The following ANGPT1 variants were observed in gnomAD, a reference collection of about 807,000 sequenced individuals.
ANGPT1 encodes angiopoietin 1.
In ANGPT1, 17 loss-of-function variants were observed where a neutral mutation model predicts 62.2. That is an observed-to-expected ratio of 0.27 (90% CI 0.19 to 0.41). ANGPT1 has a LOEUF of 0.41. ANGPT1 is among the 10% of genes least tolerant of loss of function. The pLI, the probability that ANGPT1 is intolerant of heterozygous loss-of-function variation, is 1.00. For missense variants in ANGPT1, 478 were observed against 594.9 expected (o/e 0.80, Z 2.04); for synonymous variants, 199 against 198.9 (o/e 1.00, Z 0.00).
chr8:107,449,534 C>G (rs1811710217), intron 1 of ANGPT1, among the ~76,000 whole-genome samples: 1 of 151,758 alleles, frequency 6.6e-6, no homozygotes, highest in Admixed American at 6.6e-5. Context: ...CAGGTAATTA[C>G]CAGTGCTTGA....
chr8:107,280,018 C>T (rs1358555595), intron 7 of ANGPT1, among the ~76,000 whole-genome samples: 1 of 151,974 alleles, frequency 6.6e-6, no homozygotes, highest in Admixed American at 6.6e-5. Flanking sequence ...AAGGGAGATT[C>T]AGGGCTCACA....
At chr8:107,279,379 T>A (rs1308295766) in intron 7 of ANGPT1, among the ~76,000 whole-genome samples, 1 of 152,036 alleles carries the variant, frequency 6.6e-6, no homozygotes, top group Admixed American at 6.5e-5. Context: ...GGCATTCAAA[T>A]TATTAAAGAG....
chr8:107,431,431 A>C (rs1470864564), intron 1 of ANGPT1, among the ~76,000 whole-genome samples: 1 of 152,192 alleles, frequency 6.6e-6, no homozygotes, highest in Non-Finnish European at 1.5e-5. Context: ...TCCAGAACAC[A>C]ACACACTTAA....
chr8:107,265,807 G>A (rs1426766041), intron 7 of ANGPT1, among the ~76,000 whole-genome samples: 3 of 152,088 alleles, frequency 2.0e-5, no homozygotes, highest in Admixed American at 2.0e-4. Context: ...GAATAATAAA[G>A]ATCAATTAAT....
At chr8:107,362,125 T>C (rs1371866750) in intron 1 of ANGPT1, among the ~76,000 whole-genome samples, 1 of 152,216 alleles carries the variant, frequency 6.6e-6, no homozygotes, top group Non-Finnish European at 1.5e-5. Flanking sequence ...ATATGTATTA[T>C]ACATTTTCAC....
chr8:107,258,055 A>C (rs1400989244), intron 8 of ANGPT1, among the ~76,000 whole-genome samples: 1 of 151,420 alleles, frequency 6.6e-6, no homozygotes, highest in Non-Finnish European at 1.5e-5. Context: ...AAATTCACTT[A>C]AAACTTCTAG....
At chr8:107,324,313 T>A (rs981718350) in intron 3 of ANGPT1, among the ~76,000 whole-genome samples, 1 of 151,856 alleles carries the variant, frequency 6.6e-6, no homozygotes, top group African/African-American at 2.4e-5. Flanking sequence ...TTAGTTAAGA[T>A]GAGGTCATCC....
At chr8:107,361,960 G>T (rs1417395466) in intron 1 of ANGPT1, among the ~76,000 whole-genome samples, 1 of 152,162 alleles carries the variant, frequency 6.6e-6, no homozygotes, top group Non-Finnish European at 1.5e-5. Context: ...TCAGAAGGCT[G>T]AGGCAGGAGA....
intron 1 of ANGPT1, among the ~76,000 whole-genome samples, chr8:107,399,732 T>C (rs776968718): frequency 6.6e-6 from 1 of 152,090 alleles, no homozygotes; most frequent in African/African-American, 2.4e-5. Context: ...TGAATCCTGA[T>C]AATTCACATG....
intron 1 of ANGPT1, among the ~76,000 whole-genome samples, chr8:107,477,550 A>G (rs1176702524): frequency 1.3e-5 from 2 of 152,190 alleles, no homozygotes; most frequent in African/African-American, 2.4e-5. Flanking sequence ...CTGGCTGTCA[A>G]TATAATTTGC....
chr8:107,394,408 C>T (rs1294355701), intron 1 of ANGPT1, among the ~76,000 whole-genome samples: 1 of 152,190 alleles, frequency 6.6e-6, no homozygotes, highest in Non-Finnish European at 1.5e-5. Flanking sequence ...GCGCCAGTCT[C>T]AGTTCCAGAC....
At chr8:107,435,323 A>G (rs1195331444) in intron 1 of ANGPT1, among the ~76,000 whole-genome samples, 1 of 152,242 alleles carries the variant, frequency 6.6e-6, no homozygotes, top group Non-Finnish European at 1.5e-5. Context: ...TAAATCTGCT[A>G]AATGAGACAG....
intron 2 of ANGPT1, among the ~76,000 whole-genome samples, chr8:107,336,674 AAAAAAAAAAAAAAAG>A (rs1218927521): frequency 1.3e-5 from 2 of 151,500 alleles, no homozygotes; most frequent in African/African-American, 4.9e-5. Context: ...CAAAAAAAAA[AAAAAAAAAAAAAAAG>A]GTTTACATTC....
chr8:107,436,634 T>G (rs973813671), intron 1 of ANGPT1, among the ~76,000 whole-genome samples: 2 of 152,216 alleles, frequency 1.3e-5, no homozygotes, highest in African/African-American at 4.8e-5. Flanking sequence ...TCTGCAGATG[T>G]ACTTCTCATG....
At chr8:107,470,748 A>T (rs1221708395) in intron 1 of ANGPT1, among the ~76,000 whole-genome samples, 1 of 152,206 alleles carries the variant, frequency 6.6e-6, no homozygotes, top group Admixed American at 6.6e-5. Flanking sequence ...ATATGAACAG[A>T]CACTTCTCAA....
In ANGPT1 at chr8:107,278,328, C is replaced by T. The variant is rs552119091; in HGVS notation, c.1205+6354G>A. Among the ~76,000 whole-genome samples, 370 of 152,246 alleles carry T rather than the reference C, an allele frequency of 2.4e-3. 1 individual carries two copies. Among genetic ancestry groups the T allele is most frequent in the African/African-American group, 8.5e-3 (354 of 41,542 alleles). On this transcript the variant is annotated intron_variant, in intron 7 of 8. Coordinates refer to ENST00000517746, the MANE Select transcript of ANGPT1 (RefSeq NM_001146.5). ...CAAACTCCTGACCTCAAGCAGTCCT[C>T]CCACTTTGGCCTCCCTAAGTGGTGG...
intron 1 of ANGPT1, among the ~76,000 whole-genome samples, chr8:107,489,212 T>G (rs895990348): frequency 6.6e-6 from 1 of 152,196 alleles, no homozygotes; most frequent in Non-Finnish European, 1.5e-5. Context: ...AGGTACATAT[T>G]ACTAGTGATT....
At chr8:107,457,443 A>G (rs972599217) in intron 1 of ANGPT1, among the ~76,000 whole-genome samples, 1 of 152,116 alleles carries the variant, frequency 6.6e-6, no homozygotes, top group Non-Finnish European at 1.5e-5. Flanking sequence ...AGTGGAATAA[A>G]TTATAATAAA....
At chr8:107,426,257 G>A (rs74778431) in intron 1 of ANGPT1, among the ~76,000 whole-genome samples, 4,354 of 152,284 alleles carry the variant, frequency 0.029, 76 homozygotes, top group Non-Finnish European at 0.044. Context: ...GCCTCCAGCA[G>A]CACAGATGTC....
Sources: allele counts gnomAD v4.1 joint callset (sites outside exome capture counted in the v4.1 genomes callset), GRCh38; gene constraint gnomAD v4.1.1; transcripts MANE v1.5; gene names NCBI Gene and HGNC (gene_info 2026-07-23, HGNC 2026-07-21).